HEATR5A: variants seen among roughly 807,000 people sequenced by gnomAD.
The protein encoded by HEATR5A is HEAT repeat containing 5A, also known as HEAT repeat-containing protein 5A.
A neutral mutation model predicts 218.8 loss-of-function variants in HEATR5A; 178 were observed. The observed-to-expected ratio is 0.81, with a 90% CI of 0.72 to 0.92. HEATR5A has a LOEUF of 0.92. Among genes scored for constraint, HEATR5A ranks in the 40% least tolerant of loss-of-function variants. HEATR5A has a pLI of 0.00. For synonymous variants in HEATR5A, 864 were observed against 871.6 expected, an observed-to-expected ratio of 0.99 and a Z score of 0.15; for missense variants, 2,420 against 2,418.9, an observed-to-expected ratio of 1.00 and a Z score of -0.01.
rs1241705682 is a variant in HEATR5A, at chr14:31,380,570, C to T, written c.1605G>A (p.Met535Ile). The change falls in exon 11 of 36, where the codon ATG (methionine) becomes ATA (isoleucine). Residue 535 changes from methionine (M) to isoleucine (I), a missense_variant. By Grantham distance (10) the Met-to-Ile change is conservative. Transcript: ENST00000543095. ...AACACAGCAAATCCTCTGCTAATGT[C>T]ATAATAATCTATTTACATATAGAAC... ...GIPHGKGKIIMTLAEDLLCSA... is the reference protein window; with the variant it reads ...GIPHGKGKIIITLAEDLLCSA... The T allele has an allele frequency of 6.3e-7, 1 of 1,586,430 alleles. No individual in the cohort carries two copies. Among genetic ancestry groups the T allele is most frequent in the Non-Finnish European group, 8.6e-7 (1 of 1,164,516 alleles).
chr14:31,386,549 C>A lies in HEATR5A; in HGVS notation c.1216G>T (p.Glu406Ter). The change falls in exon 9 of 36, where the codon GAA becomes TAA. Residue 406 changes from glutamate (E) to a stop codon, truncating the protein, a stop_gained. Coordinates refer to ENST00000543095, the MANE Select transcript of HEATR5A (RefSeq NM_015473.4). LOFTEE classifies it high-confidence loss of function. Reference sequence around the variant, plus strand: ...ACATCTGTGGAACCAAGCCGGGTTTCCAAATTACCATCACTCATTACGGCA... The same window carrying A: ...ACATCTGTGGAACCAAGCCGGGTTTACAAATTACCATCACTCATTACGGCA... The part of the protein sequence containing the change: ...MDAVMSDGNL[E>*]TRLGSTDVAA... The A allele has an allele frequency of 6.3e-7, 1 of 1,599,218 alleles. No individual in the cohort carries two copies. The highest frequency in any genetic ancestry group is 8.5e-7 in the Non-Finnish European group (1 of 1,174,054).
intron 12 of HEATR5A, among the ~76,000 whole-genome samples, chr14:31,372,802 G>A (rs936517950): frequency 6.6e-6 from 1 of 152,080 alleles, no homozygotes; most frequent in African/African-American, 2.4e-5. Context: ...ACTCCAGCCT[G>A]GGCAACAAGA....
intron 1 of HEATR5A, among the ~76,000 whole-genome samples, chr14:31,404,424 T>C (rs2030985581): frequency 6.6e-6 from 1 of 152,324 alleles, no homozygotes; most frequent in East Asian, 1.9e-4. Flanking sequence ...GCTTTTCATT[T>C]TTTCATGTTT....
At chr14:31,344,670 A>AATGATTCTGCTTCATGTCTGTC (rs1566761956) in intron 20 of HEATR5A, among the ~76,000 whole-genome samples, 1 of 40,090 alleles carries the variant, frequency 2.5e-5, no homozygotes, top group African/African-American at 4.8e-5. Context: ...GGTTATACCA[A>AATGATTCTGCTTCATGTCTGTC]ATTTTCATAA....
chr14:31,337,269 G>A (rs1900699587), intron 22 of HEATR5A, among the ~76,000 whole-genome samples: 1 of 152,130 alleles, frequency 6.6e-6, no homozygotes, highest in Non-Finnish European at 1.5e-5. Flanking sequence ...TCCCAGGTAA[G>A]GTATACACTG....
chr14:31,322,529 T>C (rs1388795553), intron 24 of HEATR5A, among the ~76,000 whole-genome samples: 1 of 152,140 alleles, frequency 6.6e-6, no homozygotes, highest in Non-Finnish European at 1.5e-5. Context: ...TTTAGAAATA[T>C]GCACTGTGGA....
At chr14:31,411,923 T>C (rs1437091576) in intron 1 of HEATR5A, among the ~76,000 whole-genome samples, 1 of 152,160 alleles carries the variant, frequency 6.6e-6, no homozygotes, top group Admixed American at 6.5e-5. Context: ...TGGTGTAATC[T>C]TGGCTCATTG....
Position 31,374,979 on chromosome 14 carries a change from T to C in HEATR5A, c.1709-11A>G. The stretch of plus-strand genomic sequence containing the variant: ...TAACAACTGCAGGACCTGTAATTTA[T>C]TCAACTTGTCACTTGTAAGAGAATC... On this transcript the variant is annotated splice_polypyrimidine_tract_variant and intron_variant, in intron 11 of 35. Transcript: ENST00000543095. The C allele has an allele frequency of 6.3e-7, 1 of 1,589,824 alleles. No homozygotes were observed.
intron 1 of HEATR5A, among the ~76,000 whole-genome samples, chr14:31,412,487 G>A (rs867006333): frequency 3.4e-5 from 5 of 148,086 alleles, no homozygotes; most frequent in African/African-American, 5.0e-5. Context: ...CAGCTACTCG[G>A]GAGCCTGGTG....
At position 31,364,241 on chromosome 14, in the gene HEATR5A, A is replaced by G. The variant is rs374251968; in HGVS notation, c.2019T>C (p.Tyr673=). The G allele has an allele frequency of 9.0e-6, 14 of 1,556,952 alleles. No individual in the cohort carries two copies. The African/African-American group carries it at 1.5e-4, about 17-fold the overall frequency. The part of the protein sequence containing the change: ...GSPLKTPSVV[Y]RQRLYELLIL... ...TCAACAGTTCATAAAGTCTTTGTCT[A>G]TAAACCACTGACGGTGTTTTCAAAG... is the stretch of plus-strand genomic sequence containing the variant. The change falls in exon 14 of 36, where the codon TAT becomes TAC. Residue 673 remains tyrosine, a synonymous_variant. Transcript: ENST00000543095.
At chr14:31,304,060 A>G (rs899837459) in intron 32 of HEATR5A, among the ~76,000 whole-genome samples, 4 of 152,056 alleles carry the variant, frequency 2.6e-5, no homozygotes, top group South Asian at 2.1e-4. Flanking sequence ...AAAAAAAAAA[A>G]TTAGCCAGGT....
intron 6 of HEATR5A, among the ~76,000 whole-genome samples, chr14:31,393,513 CAAA>C (rs2030532840): frequency 6.6e-6 from 1 of 152,078 alleles, no homozygotes; most frequent in Non-Finnish European, 1.5e-5. Context: ...GTCACACACA[CAAA>C]AAAGCTGTAA....
intron 3 of HEATR5A, among the ~76,000 whole-genome samples, chr14:31,399,844 A>G (rs2030806524): frequency 6.6e-6 from 1 of 152,204 alleles, no homozygotes; most frequent in African/African-American, 2.4e-5. Context: ...AGGAAAAAAA[A>G]GAAATATTAC....
rs1173469938 is a variant in HEATR5A at position 31,402,935 on chromosome 14, T to C, written c.41A>G (p.Tyr14Cys). The change falls in exon 2 of 36, where the codon TAC becomes TGC. Residue 14 changes from tyrosine (Y) to cysteine (C), a missense_variant. By Grantham distance (194) the Tyr-to-Cys change is radical (BLOSUM62 -2). Coordinates refer to ENST00000543095, the MANE Select transcript of HEATR5A (RefSeq NM_015473.4). Reference sequence around the variant, plus strand: ...CTTCTGAACTTCACCTAGTTGATTGTATGCTTCTTCATTCAGCAGTAAGCT... The same window carrying C: ...CTTCTGAACTTCACCTAGTTGATTGCATGCTTCTTCATTCAGCAGTAAGCT... ...AHSLLLNEEA[Y>C]NQLGEVQKAE... The C allele has an allele frequency of 6.5e-7, 1 of 1,536,194 alleles. No homozygotes were observed. Among genetic ancestry groups the C allele is most frequent in the Non-Finnish European group, 8.7e-7 (1 of 1,146,784 alleles).
At chr14:31,363,583 T>C (rs1226921414) in intron 14 of HEATR5A, among the ~76,000 whole-genome samples, 1 of 152,168 alleles carries the variant, frequency 6.6e-6, no homozygotes, top group Non-Finnish European at 1.5e-5. Flanking sequence ...ATCTGTCAAA[T>C]AAGAAAAATG....
chr14:31,296,124 G>T, intron 33 of HEATR5A, 61 bp from the exon 34 acceptor site: 1 of 1,408,052 alleles, frequency 7.1e-7, no homozygotes, highest in African/African-American at 1.4e-5. Context: ...CCTGTGTGAA[G>T]CTGTCTTCAG....
At chr14:31,329,458 A>C (rs1404313268) in intron 22 of HEATR5A, among the ~76,000 whole-genome samples, 1 of 152,214 alleles carries the variant, frequency 6.6e-6, no homozygotes, top group Non-Finnish European at 1.5e-5. Flanking sequence ...TCCCCACGCA[A>C]GTCCAAAATC....
intron 1 of HEATR5A, among the ~76,000 whole-genome samples, chr14:31,413,855 CTACAG>C (rs2031364538): frequency 6.6e-6 from 1 of 152,192 alleles, no homozygotes; most frequent in African/African-American, 2.4e-5. Context: ...CATATAGTCT[CTACAG>C]TAATCACTGC....
At chr14:31,396,285 T>C (rs750725206) in intron 4 of HEATR5A, among the ~76,000 whole-genome samples, 1 of 151,854 alleles carries the variant, frequency 6.6e-6, no homozygotes, top group Non-Finnish European at 1.5e-5. Context: ...TGCACACCTT[T>C]AGTCTCAGCT....
Sources: gnomAD v4.1 joint callset for allele counts (sites outside exome capture counted in the v4.1 genomes callset) on GRCh38, gnomAD v4.1.1 for gene constraint, MANE v1.5 for transcripts, NCBI Gene and HGNC (gene_info 2026-07-23, HGNC 2026-07-21) for gene names.